XPNPEP1: variants seen among roughly 807,000 people sequenced by gnomAD.
XPNPEP1 encodes the protein xaa-Pro aminopeptidase 1.
In XPNPEP1, 39 loss-of-function variants were observed where a neutral mutation model predicts 92.4. The observed-to-expected ratio is 0.42, with a 90% confidence interval of 0.33 to 0.55. The LOEUF is 0.55. Among genes scored for constraint, XPNPEP1 ranks in the 20% least tolerant of loss-of-function variants. XPNPEP1 has a pLI of 0.08. For synonymous variants in XPNPEP1, 307 were observed against 299.4 expected, an observed-to-expected ratio of 1.03 and a Z score of -0.26; for missense variants, 654 against 856.1, an observed-to-expected ratio of 0.76 and a Z score of 2.95.
intron 2 of XPNPEP1, among the ~76,000 whole-genome samples, chr10:109,910,923 C>T (rs749599124): frequency 3.9e-5 from 6 of 152,364 alleles, no homozygotes; most frequent in African/African-American, 4.8e-5. Flanking sequence ...GACATCCTGA[C>T]TTGCTGTAGC....
chr10:109,917,238 A>G (rs181935584), intron 1 of XPNPEP1, among the ~76,000 whole-genome samples: 8 of 152,354 alleles, frequency 5.3e-5, no homozygotes, highest in African/African-American at 1.9e-4. Context: ...AGAAAATCCT[A>G]AAGAATCCAC....
In XPNPEP1 at chr10:109,893,088, G is replaced by A. The variant is rs771127496; in HGVS notation, c.247-13C>T. The A allele has an allele frequency of 9.9e-6, 16 of 1,612,794 alleles. No homozygotes were observed. In the Admixed American group the frequency reaches 2.7e-4, roughly 27 times the overall value. Reference sequence around the variant, plus strand: ...CAATATACTCACTCTGGAAAACAAAGATGACAACAAAGTGGGCCTCGATCA... The same window carrying A: ...CAATATACTCACTCTGGAAAACAAAAATGACAACAAAGTGGGCCTCGATCA... On this transcript the variant is annotated splice_polypyrimidine_tract_variant and intron_variant, in intron 3 of 20. Coordinates refer to ENST00000502935, the MANE Select transcript of XPNPEP1 (RefSeq NM_020383.4).
intron 20 of XPNPEP1, among the ~76,000 whole-genome samples, chr10:109,866,028 T>C (rs1343943777): frequency 2.6e-5 from 4 of 152,152 alleles, no homozygotes; most frequent in Middle Eastern, 3.2e-3. Flanking sequence ...CTTGGTTGTA[T>C]ACGGGAAAAG....
intron 18 of XPNPEP1, 145 bp downstream of exon 18, chr10:109,870,586 T>C (rs1362004379): frequency 4.7e-6 from 5 of 1,053,922 alleles, no homozygotes; most frequent in East Asian, 4.9e-5. Context: ...AAAATGAACA[T>C]GTATCAGTTC....
rs1847232206 is a variant in XPNPEP1 at position 109,867,972 on chromosome 10, A to G, written c.1872+642T>C. On this transcript the variant is annotated intron_variant, in intron 20 of 20. Coordinates refer to ENST00000502935, the MANE Select transcript of XPNPEP1 (RefSeq NM_020383.4). The surrounding 1 kb of genome is among the most constrained non-coding windows in gnomAD (Gnocchi z 4.5). The stretch of plus-strand genomic sequence containing the variant: ...TTCAGGCCTTTCTCATGTCCCCAGG[A>G]CTGCCATCTGACCTGGCCTTACCAG... 6.6e-6 allele frequency among the ~76,000 whole-genome samples: 1 copy of G among 152,104 alleles called. No homozygotes were observed. The highest frequency in any genetic ancestry group is 2.1e-4 in the South Asian group (1 of 4,818).
intron 5 of XPNPEP1, 143 bp downstream of exon 5, chr10:109,891,578 AT>A (rs112429910): frequency 0.043 from 21,457 of 494,740 alleles, 335 homozygotes; most frequent in South Asian, 0.15. Context: ...TAGGCATGCC[AT>A]TTTTTTTTTT....
intron 6 of XPNPEP1, 137 bp downstream of exon 6, chr10:109,888,366 C>G: frequency 2.4e-6 from 3 of 1,233,012 alleles, no homozygotes; most frequent in Non-Finnish European, 2.2e-6. Context: ...GAACTCTTCT[C>G]TTCACCCTGA....
intron 14 of XPNPEP1, 74 bp downstream of exon 14, chr10:109,877,716 T>C (rs1171796529): frequency 1.3e-6 from 2 of 1,581,186 alleles, no homozygotes; most frequent in Non-Finnish European, 1.7e-6. Context: ...TCTGGTAAAA[T>C]AATGTCTCTC....
At chr10:109,875,743 T>A (rs976735256) in intron 14 of XPNPEP1, 144 bp from the exon 15 acceptor site, 22 of 629,186 alleles carry the variant, frequency 3.5e-5, no homozygotes, top group Non-Finnish European at 5.1e-5. Flanking sequence ...TATGCAATAA[T>A]GAATTATTTC....
chr10:109,891,906 G>T, intron 4 of XPNPEP1, 80 bp from the exon 5 acceptor site: 1 of 1,409,336 alleles, frequency 7.1e-7, no homozygotes, highest in African/African-American at 1.4e-5. Context: ...ACAGTAGACA[G>T]GCAAGAGCAG....
intron 3 of XPNPEP1, among the ~76,000 whole-genome samples, chr10:109,898,931 C>G (rs986497928): frequency 6.6e-6 from 1 of 152,200 alleles, no homozygotes; most frequent in East Asian, 1.9e-4. Flanking sequence ...AGCGTGACAT[C>G]TTTCCCCTTC....
At chr10:109,923,323 C>A (rs1463159708) in intron 1 of XPNPEP1, 79 bp downstream of exon 1, 2 of 1,344,996 alleles carry the variant, frequency 1.5e-6, no homozygotes, top group African/African-American at 1.5e-5. Flanking sequence ...CGTCCCTGCC[C>A]GCCGAGGTGC....
chr10:109,892,979 T>G, intron 4 of XPNPEP1, 33 bp downstream of exon 4: 1 of 1,607,976 alleles, frequency 6.2e-7, no homozygotes, highest in Non-Finnish European at 8.5e-7. Flanking sequence ...CGAACAAAGG[T>G]GCAGCAAGAA....
At position 109,870,020 on chromosome 10, in the gene XPNPEP1, T is replaced by A. The variant is rs753795934; in HGVS notation, c.1706A>T (p.Tyr569Phe). The A allele has an allele frequency of 6.2e-6, 10 of 1,613,988 alleles. No individual in the cohort carries two copies. The highest frequency in any genetic ancestry group is 8.5e-6 in the Non-Finnish European group (10 of 1,179,986). The change falls in exon 19 of 21, where the codon TAC becomes TTC. Residue 569 changes from tyrosine to phenylalanine, a missense_variant. Tyr to Phe is a conservative substitution (Grantham distance 22). Coordinates refer to ENST00000502935, the MANE Select transcript of XPNPEP1 (RefSeq NM_020383.4). ...AGMIVTDEPGYYEDGAFGIRI... is the reference protein window; with the variant it reads ...AGMIVTDEPGFYEDGAFGIRI... ...AATTCCAAAAGCCCCATCTTCATAG[T>A]ACCCGGGCTCTAAAACAAACCAAAT...
chr10:109,891,971 C>G lies in XPNPEP1; in HGVS notation c.311-145G>C, dbSNP rs1043698216. On this transcript the variant is annotated intron_variant, in intron 4 of 20. Transcript: ENST00000502935. ...TGGGTCCTTGACTCCAAAGAAACCT[C>G]TGGGCAAGAGAAGACCACACTACTG... 9 of 694,590 alleles carry G rather than the reference C, an allele frequency of 1.3e-5. No individual in the cohort carries two copies. In the African/African-American group the frequency reaches 1.5e-4, roughly 11 times the overall value. 43.0% of individuals were successfully genotyped at this position (694,590 alleles called of 1,614,324 possible).
chr10:109,888,215 A>G (rs1328125259), intron 6 of XPNPEP1, 23 bp from the exon 7 acceptor site: 2 of 1,604,954 alleles, frequency 1.2e-6, no homozygotes, highest in Non-Finnish European at 1.7e-6. Context: ...ATTGTGGCCC[A>G]GCCATGAGCC....
At chr10:109,886,385 A>G in intron 7 of XPNPEP1, 44 bp from the exon 8 acceptor site, 1 of 1,583,634 alleles carries the variant, frequency 6.3e-7, no homozygotes, top group Non-Finnish European at 8.6e-7. Context: ...TGGTCCCAGA[A>G]AGCAGTAGGA....
chr10:109,891,695 G>A (rs1398142955), intron 5 of XPNPEP1, 27 bp downstream of exon 5: 1 of 1,529,096 alleles, frequency 6.5e-7, no homozygotes, highest in Non-Finnish European at 8.7e-7. Flanking sequence ...GGCCAACTAA[G>A]TTTGGGCTAG....
intron 3 of XPNPEP1, 44 bp from the exon 4 acceptor site, chr10:109,893,119 G>A (rs904555946): frequency 4.8e-5 from 75 of 1,573,874 alleles, no homozygotes; most frequent in Non-Finnish European, 6.4e-5. Context: ...GATCAGTCAT[G>A]AGCAGACTGT....
Sources: allele counts gnomAD v4.1 joint callset (sites outside exome capture counted in the v4.1 genomes callset), GRCh38; gene constraint gnomAD v4.1.1; non-coding constraint Gnocchi (gnomAD v3.1); transcripts MANE v1.5; gene names NCBI Gene and HGNC (gene_info 2026-07-23, HGNC 2026-07-21).